The following SPIDR variants were observed in gnomAD, a reference collection of about 807,000 sequenced individuals.
SPIDR encodes the protein scaffold protein involved in DNA repair.
SPIDR carries 93 observed loss-of-function variants against 104.6 expected under a neutral mutation model. The observed-to-expected ratio is 0.89, with a 90% confidence interval of 0.75 to 1.06. SPIDR has a LOEUF of 1.06. SPIDR is among the 50% of genes least tolerant of loss of function. The probability of loss-of-function intolerance (pLI) is 0.00; values close to 1 mark genes in which losing one functional copy is unlikely to be tolerated. For missense variants in SPIDR, 1,154 were observed against 1,111.2 expected, an observed-to-expected ratio of 1.04 and a Z score of -0.55; for synonymous variants, 431 against 416.9, an observed-to-expected ratio of 1.03 and a Z score of -0.41.
intron 8 of SPIDR, among the ~76,000 whole-genome samples, chr8:47,489,219 G>C (rs1219394237): frequency 6.6e-6 from 1 of 152,034 alleles, no homozygotes; most frequent in East Asian, 1.9e-4. Flanking sequence ...CAGACAAACA[G>C]AGAGCCAAAT....
intron 14 of SPIDR, 138 bp from the exon 15 acceptor site, chr8:47,712,524 G>T (rs1563631603): frequency 9.7e-7 from 1 of 1,029,156 alleles, no homozygotes; most frequent in Non-Finnish European, 1.4e-6. Flanking sequence ...ACCAAGATGT[G>T]CAAAGTCTAG....
Position 47,729,407 on chromosome 8 carries a change from T to C in SPIDR, c.2551-5T>C, listed in dbSNP as rs745489397. 6.3e-7 allele frequency: 1 copy of C among 1,588,814 alleles called. No homozygotes were observed. The highest frequency in any genetic ancestry group is 8.6e-7 in the Non-Finnish European group (1 of 1,167,760). On this transcript the variant is annotated splice_polypyrimidine_tract_variant and splice_region_variant and intron_variant, in intron 18 of 19. Transcript: ENST00000297423. ...TTTAACCCAGCCCTGCTTCTGCTGT[T>C]GCAGCTGTTGCAGCGCAGCATTTCC...
chr8:47,709,101 T>C (rs2081481222), intron 14 of SPIDR, among the ~76,000 whole-genome samples: 1 of 151,804 alleles, frequency 6.6e-6, no homozygotes, highest in African/African-American at 2.4e-5. Flanking sequence ...GCCTCTCGAG[T>C]AGCTGGGATT....
chr8:47,350,290 C>T (rs531447383), intron 5 of SPIDR, among the ~76,000 whole-genome samples: 10 of 152,148 alleles, frequency 6.6e-5, no homozygotes, highest in Admixed American at 2.6e-4. Context: ...TTCCTTGACA[C>T]GTGAAAGATG....
intron 6 of SPIDR, among the ~76,000 whole-genome samples, chr8:47,402,226 G>A (rs1390484187): frequency 6.6e-6 from 1 of 152,148 alleles, no homozygotes; most frequent in Non-Finnish European, 1.5e-5. Context: ...GAAATTTATA[G>A]CACTAAATGC....
chr8:47,492,793 T>C (rs917926758), intron 8 of SPIDR, among the ~76,000 whole-genome samples: 2 of 152,210 alleles, frequency 1.3e-5, no homozygotes, highest in African/African-American at 4.8e-5. Context: ...CTTCTCAGTA[T>C]ACAAGTTTTC....
intron 10 of SPIDR, among the ~76,000 whole-genome samples, chr8:47,627,246 C>T (rs181000144): frequency 9.3e-4 from 141 of 151,828 alleles, no homozygotes; most frequent in African/African-American, 3.3e-3. Context: ...TGTGGGGTGG[C>T]GGGAGCGGGG....
intron 5 of SPIDR, among the ~76,000 whole-genome samples, chr8:47,352,382 A>G (rs376106833): frequency 2.0e-5 from 3 of 152,290 alleles, no homozygotes; most frequent in African/African-American, 7.2e-5. Context: ...AAGGCTTTAT[A>G]TGTCTATGTG....
intron 12 of SPIDR, among the ~76,000 whole-genome samples, chr8:47,701,106 T>C (rs1181088313): frequency 6.6e-6 from 1 of 152,180 alleles, no homozygotes; most frequent in Non-Finnish European, 1.5e-5. Flanking sequence ...TTCTTAGTAG[T>C]GCTAAGTCTG....
intron 10 of SPIDR, among the ~76,000 whole-genome samples, chr8:47,645,232 C>T (rs1341206299): frequency 2.6e-5 from 4 of 152,176 alleles, no homozygotes; most frequent in East Asian, 1.9e-4. Context: ...GTCAGACTGA[C>T]GACCTGGACC....
At chr8:47,612,045 T>G (rs959643551) in intron 10 of SPIDR, among the ~76,000 whole-genome samples, 14 of 152,132 alleles carry the variant, frequency 9.2e-5, no homozygotes, top group African/African-American at 3.4e-4. Flanking sequence ...ACCCTTCCTT[T>G]CTTTGGTGTG....
intron 8 of SPIDR, among the ~76,000 whole-genome samples, chr8:47,442,164 A>G (rs1211899076): frequency 6.6e-6 from 1 of 152,202 alleles, no homozygotes; most frequent in Non-Finnish European, 1.5e-5. Context: ...TTTATTTTCA[A>G]GTATGCATTG....
At chr8:47,521,172 A>G (rs1243026442) in intron 8 of SPIDR, among the ~76,000 whole-genome samples, 1 of 152,298 alleles carries the variant, frequency 6.6e-6, no homozygotes, top group Non-Finnish European at 1.5e-5. Flanking sequence ...CCTTGTTTCT[A>G]GGGAGCTGTT....
At chr8:47,582,134 T>G (rs1588037790) in intron 8 of SPIDR, among the ~76,000 whole-genome samples, 1 of 152,232 alleles carries the variant, frequency 6.6e-6, no homozygotes, top group East Asian at 1.9e-4. Flanking sequence ...GGAGAATTGC[T>G]TGTACCTGGG....
At chr8:47,295,498 C>G (rs2040678011) in intron 5 of SPIDR, among the ~76,000 whole-genome samples, 1 of 152,118 alleles carries the variant, frequency 6.6e-6, no homozygotes, top group Non-Finnish European at 1.5e-5. Flanking sequence ...CAACATTCTA[C>G]CACAATTCTG....
chr8:47,440,455 G>T lies in SPIDR; in HGVS notation c.1010G>T (p.Gly337Val). 1 of 1,614,182 alleles carries T rather than the reference G, an allele frequency of 6.2e-7. No homozygotes were observed. Among genetic ancestry groups the T allele is most frequent in the Non-Finnish European group, 8.5e-7 (1 of 1,180,026 alleles). ...SSSQSVAPRP[G>V]AGLKVLFTKE... ...TCCCAAAGTGTGGCTCCCAGGCCTG[G>T]AGCTGGCCTGAAAGTTCTCTTCACC... The change falls in exon 8 of 20, where the codon GGA (glycine) becomes GTA (valine). Residue 337 changes from glycine (G) to valine (V), a missense_variant. By Grantham distance (109) the Gly-to-Val change is moderately radical. Transcript: ENST00000297423.
intron 5 of SPIDR, among the ~76,000 whole-genome samples, chr8:47,364,760 A>T (rs2056862752): frequency 6.6e-6 from 1 of 152,204 alleles, no homozygotes; most frequent in Admixed American, 6.5e-5. Context: ...AAAGTCTGTT[A>T]AAAAGCAGAT....
chr8:47,383,145 A>G (rs2059514930), intron 5 of SPIDR, among the ~76,000 whole-genome samples: 1 of 152,124 alleles, frequency 6.6e-6, no homozygotes. Flanking sequence ...TTTCTTCTCC[A>G]TGGTCTCTTT....
At chr8:47,475,939 CAT>C (rs1333034064) in intron 8 of SPIDR, among the ~76,000 whole-genome samples, 13 of 152,152 alleles carry the variant, frequency 8.5e-5, no homozygotes, top group African/African-American at 2.4e-4. Flanking sequence ...TAATAAAAGA[CAT>C]AGCATTTAAG....
Sources: gnomAD v4.1 joint callset for allele counts (sites outside exome capture counted in the v4.1 genomes callset) on GRCh38, gnomAD v4.1.1 for gene constraint, MANE v1.5 for transcripts, NCBI Gene and HGNC (gene_info 2026-07-23, HGNC 2026-07-21) for gene names.